RASGEF1C: variants seen among roughly 807,000 people sequenced by gnomAD.
The protein encoded by RASGEF1C is RasGEF domain family member 1C, also known as ras-GEF domain-containing family member 1C.
A neutral mutation model predicts 58.1 loss-of-function variants in RASGEF1C; 27 were observed. That is an observed-to-expected ratio of 0.46 (90% CI 0.34 to 0.64). RASGEF1C has a LOEUF of 0.64. Among genes scored for constraint, RASGEF1C ranks in the 30% least tolerant of loss-of-function variants. RASGEF1C has a pLI of 0.01. For missense variants in RASGEF1C, 502 were observed against 605.1 expected, an observed-to-expected ratio of 0.83 and a Z score of 1.79; for synonymous variants, 243 against 246.3, an observed-to-expected ratio of 0.99 and a Z score of 0.13.
At position 180,137,856 on chromosome 5, in the gene RASGEF1C, C is replaced by T. The variant is rs1766510590; in HGVS notation, c.177+20G>A. On this transcript the variant is annotated intron_variant, in intron 2 of 13. Coordinates refer to ENST00000361132, the MANE Select transcript of RASGEF1C (RefSeq NM_175062.4). This position sits in a 1 kb window ranked among gnomAD's most constrained non-coding sequence, Gnocchi z 4.1. ...GGTGGAGGAGAGCCCACTCTCCTGC[C>T]CGCTGGGTGGATCACCCACCTCGGG... The T allele has an allele frequency of 1.2e-6, 2 of 1,608,878 alleles. No individual in the cohort carries two copies. Among genetic ancestry groups the T allele is most frequent in the Admixed American group, 1.7e-5 (1 of 59,100 alleles).
intron 12 of RASGEF1C, among the ~76,000 whole-genome samples, chr5:180,110,218 G>C (rs1765936126): frequency 6.6e-6 from 1 of 152,302 alleles, no homozygotes; most frequent in East Asian, 1.9e-4. Context: ...GCTGGGGTGG[G>C]AGCGGCTCAG....
intron 1 of RASGEF1C, among the ~76,000 whole-genome samples, chr5:180,149,079 TTTTTTTTTC>T (rs916489757): frequency 2.1e-5 from 2 of 94,790 alleles, no homozygotes; most frequent in African/African-American, 7.4e-5. Context: ...TTTTCTTTTC[TTTTTTTTTC>T]TTTTTTTTTT....
intron 1 of RASGEF1C, among the ~76,000 whole-genome samples, chr5:180,144,787 GT>G (rs1220853741): frequency 0.011 from 1,648 of 152,310 alleles, 31 homozygotes; most frequent in African/African-American, 0.038. Flanking sequence ...CCTGTACCCA[GT>G]AAACACTAAC....
chr5:180,207,475 T>C (rs1010733361), intron 1 of RASGEF1C, among the ~76,000 whole-genome samples: 2 of 152,192 alleles, frequency 1.3e-5, no homozygotes, highest in Non-Finnish European at 2.9e-5. Context: ...AAGTGAGAGC[T>C]GGAACCACCT....
chr5:180,101,492 T>C lies in RASGEF1C; in HGVS notation c.*9A>G. On this transcript the variant is annotated 3_prime_UTR_variant, in exon 14 of 14. Transcript: ENST00000361132. ...CTCCAGCTCTTCCTCGTCCCTCAGC[T>C]CAGCGCTTTCATGTCTTCCCCAAAA... 6.2e-7 allele frequency: 1 copy of C among 1,611,142 alleles called. No individual in the cohort carries two copies. The highest frequency in any genetic ancestry group is 8.5e-7 in the Non-Finnish European group (1 of 1,179,940).
intron 3 of RASGEF1C, chr5:180,136,910 C>T (rs1008138128): frequency 1.9e-5 from 4 of 205,292 alleles, no homozygotes; most frequent in African/African-American, 7.1e-5. Context: ...ACCTAGGATA[C>T]GCCAATGAGG....
At chr5:180,111,392 G>A in intron 12 of RASGEF1C, 65 bp downstream of exon 12, 1 of 1,609,264 alleles carries the variant, frequency 6.2e-7, no homozygotes, top group Non-Finnish European at 8.5e-7. Flanking sequence ...GTCCTGAATG[G>A]TGACTGAGAG....
intron 1 of RASGEF1C, among the ~76,000 whole-genome samples, chr5:180,178,275 C>CTT (rs5873679): frequency 4.0e-4 from 13 of 32,716 alleles, no homozygotes; most frequent in East Asian, 1.0e-3. Context: ...ACCCGGCTGG[C>CTT]TTTTTTTTTT....
At chr5:180,185,826 GGT>G (rs1391073696) in intron 1 of RASGEF1C, among the ~76,000 whole-genome samples, 1 of 151,904 alleles carries the variant, frequency 6.6e-6, no homozygotes, top group Non-Finnish European at 1.5e-5. Flanking sequence ...AGCCAAGCGT[GGT>G]GGTTCATACC....
chr5:180,190,472 A>T (rs192146466), intron 1 of RASGEF1C, among the ~76,000 whole-genome samples: 5,251 of 123,498 alleles, frequency 0.043, 418 homozygotes, highest in African/African-American at 0.14. Flanking sequence ...ACTGGGTGAC[A>T]GAGTGAGACT....
At chr5:180,120,930 C>T in intron 7 of RASGEF1C, 130 bp downstream of exon 7, 3 of 652,634 alleles carry the variant, frequency 4.6e-6, no homozygotes, top group East Asian at 2.7e-5. Context: ...GGAGGGGTGC[C>T]CAGCCTGGCC....
chr5:180,182,847 G>C (rs1029612677), intron 1 of RASGEF1C, among the ~76,000 whole-genome samples: 1 of 152,164 alleles, frequency 6.6e-6, no homozygotes. Flanking sequence ...AGGGAGACTG[G>C]GATCAAGCTG....
chr5:180,192,483 G>A (rs1485473259), intron 1 of RASGEF1C, among the ~76,000 whole-genome samples: 1 of 151,592 alleles, frequency 6.6e-6, no homozygotes, highest in Non-Finnish European at 1.5e-5. Context: ...TATAAAACCT[G>A]GTATTTGATA....
rs905627413 is a variant in RASGEF1C, at chr5:180,152,979, G to T, written c.-6-14921C>A. Among the ~76,000 whole-genome samples the T allele has an allele frequency of 3.3e-5, 5 of 151,446 alleles. No individual in the cohort carries two copies. The East Asian group carries it at 5.9e-4, about 18-fold the overall frequency. On this transcript the variant is annotated intron_variant, in intron 1 of 13. Coordinates refer to ENST00000361132, the MANE Select transcript of RASGEF1C (RefSeq NM_175062.4). ...CTGGGATCAGCATAAGGTATAAATG[G>T]TAAGTCTTCTTGGGTCTTTTTTGAG...
intron 1 of RASGEF1C, among the ~76,000 whole-genome samples, chr5:180,206,833 G>A (rs1156326474): frequency 6.6e-6 from 1 of 152,194 alleles, no homozygotes; most frequent in African/African-American, 2.4e-5. Context: ...AAAACCAGGA[G>A]CTGTACGGCT....
At chr5:180,106,352 C>T (rs983158645) in intron 12 of RASGEF1C, among the ~76,000 whole-genome samples, 3 of 152,078 alleles carry the variant, frequency 2.0e-5, no homozygotes, top group Admixed American at 6.5e-5. Flanking sequence ...TCCTCTTTTT[C>T]TAGATTCTTG....
intron 1 of RASGEF1C, 83 bp downstream of exon 1, chr5:180,208,945 C>T (rs1225972430): frequency 6.8e-6 from 1 of 147,816 alleles, no homozygotes; most frequent in East Asian, 2.0e-4. Context: ...GACCCCGCCG[C>T]GCCGCCGGCA....
chr5:180,191,421 A>G (rs1384439630), intron 1 of RASGEF1C, among the ~76,000 whole-genome samples: 2 of 151,912 alleles, frequency 1.3e-5, no homozygotes, highest in Non-Finnish European at 2.9e-5. Context: ...CAGTGGCGCG[A>G]TCTCAGCTCA....
At chr5:180,118,894 G>A in intron 8 of RASGEF1C, 28 bp from the exon 9 acceptor site, 1 of 1,604,092 alleles carries the variant, frequency 6.2e-7, no homozygotes, top group Non-Finnish European at 8.5e-7. Flanking sequence ...GTTGGAGAGG[G>A]CTGCTCCTGG....
Sources: gnomAD v4.1 joint callset for allele counts (sites outside exome capture counted in the v4.1 genomes callset) on GRCh38, gnomAD v4.1.1 for gene constraint, Gnocchi (gnomAD v3.1) non-coding constraint, MANE v1.5 for transcripts, NCBI Gene and HGNC (gene_info 2026-07-23, HGNC 2026-07-21) for gene names.